Variants in ANK3 observed in about 807,000 individuals in gnomAD.
The protein encoded by ANK3 is ankyrin-3.
In ANK3, 57 loss-of-function variants were observed where a neutral mutation model predicts 370.9. The ratio of observed to expected loss-of-function variants is 0.15; its 90% CI spans 0.12 to 0.19. ANK3 has a LOEUF of 0.19. Among genes scored for constraint, ANK3 ranks in the 10% least tolerant of loss-of-function variants. The pLI, the probability that ANK3 is intolerant of heterozygous loss-of-function variation, is 1.00. For missense variants in ANK3, 4,439 were observed against 5,302.1 expected (o/e 0.84, Z 5.06); for synonymous variants, 1,929 against 1,946.3 (o/e 0.99, Z 0.23).
intron 1 of ANK3, among the ~76,000 whole-genome samples, chr10:60,307,291 C>A (rs1487611542): frequency 6.6e-6 from 1 of 152,034 alleles, no homozygotes; most frequent in Non-Finnish European, 1.5e-5. Context: ...GATCTAGAAC[C>A]AGGAGTTTGG....
chr10:60,164,295 T>C (rs551307977), intron 23 of ANK3, among the ~76,000 whole-genome samples: 5 of 152,168 alleles, frequency 3.3e-5, no homozygotes, highest in African/African-American at 4.8e-5. Flanking sequence ...ATAACCTTAA[T>C]CTTCAAAAAT....
At chr10:60,578,790 C>A (rs532567789) in intron 2 of ANK3, among the ~76,000 whole-genome samples, 2 of 152,226 alleles carry the variant, frequency 1.3e-5, no homozygotes, top group South Asian at 4.1e-4. Flanking sequence ...CTTATTTGTT[C>A]ATCTCCTAAA....
chr10:60,622,185 A>G (rs1189719030), intron 1 of ANK3, among the ~76,000 whole-genome samples: 1 of 152,076 alleles, frequency 6.6e-6, no homozygotes, highest in African/African-American at 2.4e-5. Context: ...AAAGCCAGAA[A>G]GTTGGTTTGG....
At chr10:60,607,107 C>T (rs1319749415) in intron 2 of ANK3, among the ~76,000 whole-genome samples, 2 of 152,250 alleles carry the variant, frequency 1.3e-5, no homozygotes, top group African/African-American at 4.8e-5. Context: ...ATCAGCCTTC[C>T]TGTCCATATA....
Position 60,063,278 on chromosome 10 carries a change from A to G in ANK3, c.12452-24T>C, listed in dbSNP as rs960723808. ...AGCTGAAAAGGAGAAAAAAAGGTTGAAAACCCAATTAAATTATGTTCTTTC... is the reference window on the plus strand; with the variant it reads ...AGCTGAAAAGGAGAAAAAAAGGTTGGAAACCCAATTAAATTATGTTCTTTC... On this transcript the variant is annotated intron_variant, in intron 39 of 43. Coordinates refer to ENST00000280772, the MANE Select transcript of ANK3 (RefSeq NM_020987.5). 3.1e-6 allele frequency: 5 copies of G among 1,594,418 alleles called. No individual in the cohort carries two copies. In the African/African-American group the frequency reaches 6.8e-5, roughly 22 times the overall value.
chr10:60,687,610 G>C (rs2133398250), intron 1 of ANK3, among the ~76,000 whole-genome samples: 1 of 152,144 alleles, frequency 6.6e-6, no homozygotes, highest in South Asian at 2.1e-4. Context: ...CACACTATTG[G>C]TCACGATATA....
chr10:60,323,771 G>C lies in ANK3; in HGVS notation c.115-44132C>G, dbSNP rs551728473. Among the ~76,000 whole-genome samples, 8 of 152,244 alleles carry C rather than the reference G, an allele frequency of 5.3e-5. No individual in the cohort carries two copies. The East Asian group carries it at 1.5e-3, about 29-fold the overall frequency. On this transcript the variant is annotated intron_variant, in intron 1 of 43. Transcript: ENST00000280772. Reference sequence around the variant, plus strand: ...AGACTGAGAAAATGTAGCTAGCAAGGTAGGAAGACAAGCAGGAAAGAGGTG... The same window carrying C: ...AGACTGAGAAAATGTAGCTAGCAAGCTAGGAAGACAAGCAGGAAAGAGGTG...
At chr10:60,315,391 T>C (rs1381574878) in intron 1 of ANK3, among the ~76,000 whole-genome samples, 1 of 152,168 alleles carries the variant, frequency 6.6e-6, no homozygotes, top group Non-Finnish European at 1.5e-5. Context: ...AGTAGATCAC[T>C]GGTTAAATCC....
At chr10:60,616,576 C>T (rs2078270737) in intron 1 of ANK3, among the ~76,000 whole-genome samples, 1 of 152,066 alleles carries the variant, frequency 6.6e-6, no homozygotes. Context: ...ATTTACATGG[C>T]AAGATTTTTT....
At chr10:60,687,460 A>T (rs2079284180) in intron 1 of ANK3, among the ~76,000 whole-genome samples, 2 of 152,108 alleles carry the variant, frequency 1.3e-5, no homozygotes, top group Admixed American at 6.5e-5. Flanking sequence ...GCTCGACATC[A>T]CTAATCATTA....
At chr10:60,255,258 C>T (rs1206009875) in intron 7 of ANK3, among the ~76,000 whole-genome samples, 2 of 152,106 alleles carry the variant, frequency 1.3e-5, no homozygotes, top group Non-Finnish European at 2.9e-5. Context: ...ACATTCATTG[C>T]CTTCTAGGTG....
At chr10:60,219,134 C>A (rs1028078989) in intron 8 of ANK3, among the ~76,000 whole-genome samples, 2 of 151,920 alleles carry the variant, frequency 1.3e-5, no homozygotes, top group East Asian at 3.9e-4. Flanking sequence ...TCCATGAGGT[C>A]ATTTATGTTC....
rs186388278 is a variant in ANK3 at position 60,648,997 on chromosome 10, C to T, written c.58-33773G>A. ...ATGAAGGCACAAAGCTGTGCTCCCA[C>T]GACTCTTTTTCTTGGTTCCATGCAT... On this transcript the variant is annotated intron_variant, in intron 1 of 43. Transcript: ENST00000373827. Among the ~76,000 whole-genome samples, 363 of 152,168 alleles carry T rather than the reference C, an allele frequency of 2.4e-3. 2 individuals are homozygous for T. Among genetic ancestry groups the T allele is most frequent in the African/African-American group, 8.4e-3 (350 of 41,522 alleles).
At chr10:60,589,304 A>C (rs2077877722) in intron 2 of ANK3, among the ~76,000 whole-genome samples, 1 of 152,218 alleles carries the variant, frequency 6.6e-6, no homozygotes, top group South Asian at 2.1e-4. Context: ...CTAATTTTGC[A>C]CATATATGAA....
chr10:60,481,497 C>T (rs759522786), intron 2 of ANK3, among the ~76,000 whole-genome samples: 4 of 152,104 alleles, frequency 2.6e-5, no homozygotes, highest in Non-Finnish European at 5.9e-5. Context: ...GAGTTTTGCT[C>T]TGTTGCCCAA....
chr10:60,064,023 T>A lies in ANK3; in HGVS notation c.12451+134A>T, dbSNP rs927221090. The A allele has an allele frequency of 2.3e-5, 18 of 792,594 alleles. No individual in the cohort carries two copies. The African/African-American group carries it at 2.8e-4, about 12-fold the overall frequency. The allele number at this position is 792,594 out of a possible 1,614,324, so 49.1% of individuals were successfully genotyped here. ...TAACTTCAAAAGACTTGCTATTACCTCATGATCACTTAGTTTTCTATATTA... is the reference window on the plus strand; with the variant it reads ...TAACTTCAAAAGACTTGCTATTACCACATGATCACTTAGTTTTCTATATTA... On this transcript the variant is annotated intron_variant, in intron 39 of 43. Coordinates refer to ENST00000280772, the MANE Select transcript of ANK3 (RefSeq NM_020987.5).
chr10:60,559,272 C>T (rs184383822), intron 2 of ANK3, among the ~76,000 whole-genome samples: 1 of 152,158 alleles, frequency 6.6e-6, no homozygotes, highest in Non-Finnish European at 1.5e-5. Flanking sequence ...CCCCCCAACC[C>T]TTTCCCCAGT....
rs760626993 is a variant in ANK3, at chr10:60,074,206, A to C, written c.6675T>G (p.Ser2225Arg). The part of the protein sequence containing the change: ...KVKAFQMKAS[S>R]EEDDHNRVLS... ...AAACCCGATTGTGGTCATCTTCTTC[A>C]CTACTGGCTTTCATTTGAAATGCTT... The change falls in exon 37 of 44, where the codon AGT becomes AGG. Residue 2225 changes from serine to arginine, a missense_variant. Ser to Arg is a moderately radical substitution (Grantham distance 110, BLOSUM62 -1). Around this residue, in one of 13 missense-constraint regions of ANK3, gnomAD observed 1,601 missense variants for 1,731.7 expected, o/e 0.92. Coordinates refer to ENST00000280772, the MANE Select transcript of ANK3 (RefSeq NM_020987.5). 1 of 1,614,124 alleles carries C rather than the reference A, an allele frequency of 6.2e-7. No homozygotes were observed. The highest frequency in any genetic ancestry group is 1.1e-5 in the South Asian group (1 of 91,082).
chr10:60,382,030 T>C (rs982741235), intron 1 of ANK3, among the ~76,000 whole-genome samples: 1 of 152,198 alleles, frequency 6.6e-6, no homozygotes, highest in Non-Finnish European at 1.5e-5. Context: ...TCTTTCACTG[T>C]ATAGATGTCT....
Sources: gnomAD v4.1 joint callset for allele counts (sites outside exome capture counted in the v4.1 genomes callset) on GRCh38, gnomAD v4.1.1 for gene constraint, gnomAD v4.1.1 regional missense constraint, MANE v1.5 for transcripts, NCBI Gene and HGNC (gene_info 2026-07-23, HGNC 2026-07-21) for gene names.